Variants in MASP1 observed in about 807,000 individuals in gnomAD.
MASP1 encodes the protein MBL associated serine protease 1, also known as mannan-binding lectin serine protease 1.
In MASP1, 59 loss-of-function variants were observed where a neutral mutation model predicts 77.1. The ratio of observed to expected loss-of-function variants is 0.77; its 90% confidence interval spans 0.62 to 0.95. MASP1 has a LOEUF of 0.95. MASP1 is among the 40% of genes least tolerant of loss of function. MASP1 has a pLI of 0.00. For synonymous variants in MASP1, 362 were observed against 354.5 expected, an observed-to-expected ratio of 1.02 and a Z score of -0.24; for missense variants, 885 against 912.9, an observed-to-expected ratio of 0.97 and a Z score of 0.39.
At chr3:187,270,142 G>A (rs997882852) in intron 2 of MASP1, among the ~76,000 whole-genome samples, 2 of 152,208 alleles carry the variant, frequency 1.3e-5, no homozygotes, top group Non-Finnish European at 2.9e-5. Context: ...CTGACAACAA[G>A]TATACGATGC....
chr3:187,230,888 T>A (rs534489130), downstream of MASP1, among the ~76,000 whole-genome samples: 1 of 152,342 alleles, frequency 6.6e-6, no homozygotes, highest in Admixed American at 6.5e-5. Context: ...AACTTTTAAT[T>A]ATGTGGCTTC....
chr3:187,271,738 A>C (rs1224639137), intron 2 of MASP1, among the ~76,000 whole-genome samples: 1 of 152,164 alleles, frequency 6.6e-6, no homozygotes, highest in African/African-American at 2.4e-5. Context: ...AAATTGGTTA[A>C]TTCCAGTCAA....
rs772156759 is a variant in MASP1, at chr3:187,268,525, G to GAAAGAAAAGAAAAGA, written c.238-5820_238-5806dup. Among the ~76,000 whole-genome samples the GAAAGAAAAGAAAAGA allele has an allele frequency of 3.1e-3, 438 of 141,402 alleles. 1 individual carries two copies. The highest frequency in any genetic ancestry group is 9.8e-3 in the African/African-American group (375 of 38,298). 92.8% of individuals were successfully genotyped at this position (141,402 alleles called of 152,430 possible). ...AGAAAGAAAGAAAGAGAGGAAGAAAGAAAGAAAAGAAAAGAAAAGAAAATA... is the reference window on the plus strand; with the variant it reads ...AGAAAGAAAGAAAGAGAGGAAGAAAGAAAGAAAAGAAAAGAAAAGAAAAGAAAAGAAAAGAAAATA... On this transcript the variant is annotated intron_variant, in intron 2 of 10. Transcript: ENST00000296280.
Position 187,256,699 on chromosome 3 carries a change from G to A in MASP1, c.709C>T (p.His237Tyr). Reference sequence around the variant, plus strand: ...TCATAGGGGCAGGGCACCTCAGGATGGTCCTCAATGTCAAATATGTCCTCA... The same window carrying A: ...TCATAGGGGCAGGGCACCTCAGGATAGTCCTCAATGTCAAATATGTCCTCA... The part of the protein sequence containing the change: ...QFEDIFDIED[H>Y]PEVPCPYDYI... Residue 237 changes from histidine (H) to tyrosine (Y), a missense_variant, in exon 5 of 11, where the codon CAT (histidine) becomes TAT (tyrosine). Coordinates refer to ENST00000296280, the MANE Select transcript of MASP1 (RefSeq NM_139125.4). 6.2e-7 allele frequency: 1 copy of A among 1,613,922 alleles called. No homozygotes were observed. Among genetic ancestry groups the A allele is most frequent in the Non-Finnish European group, 8.5e-7 (1 of 1,179,986 alleles).
rs115022399 is a variant in MASP1 at position 187,235,961 on chromosome 3, C to A, written c.1910G>T (p.Arg637Leu). The change falls in exon 11 of 11, where the codon CGC becomes CTC. Residue 637 changes from arginine (R) to leucine (L), a missense_variant. Arg to Leu is a moderately radical substitution (Grantham distance 102, BLOSUM62 -2). Coordinates refer to ENST00000296280, the MANE Select transcript of MASP1 (RefSeq NM_139125.4). ...HAECKTSYESRSGNYSVTENM... is the reference protein window; with the variant it reads ...HAECKTSYESLSGNYSVTENM... ...CTCCGTGACGCTGTAATTGCCCGAG[C>A]GGGACTCATAGCTAGTTTTGCACTC... 2.1e-5 allele frequency: 34 copies of A among 1,614,226 alleles called. No individual in the cohort carries two copies. In the African/African-American group the frequency reaches 4.5e-4, roughly 22 times the overall value.
chr3:187,253,341 G>A (rs1460656879), intron 5 of MASP1, 26 bp from the exon 6 acceptor site: 6 of 1,601,004 alleles, frequency 3.7e-6, no homozygotes, highest in Non-Finnish European at 5.1e-6. Flanking sequence ...GAGAGAGAGA[G>A]AAATAGAGTG....
chr3:187,263,846 T>G (rs965931596), intron 2 of MASP1, among the ~76,000 whole-genome samples: 2 of 152,218 alleles, frequency 1.3e-5, no homozygotes, highest in African/African-American at 2.4e-5. Flanking sequence ...TTTGGGAAGC[T>G]TCGTATGATA....
chr3:187,234,751 C>G lies in MASP1; in HGVS notation c.*933G>C, dbSNP rs890923138. 7.8e-7 allele frequency: 1 copy of G among 1,287,260 alleles called. No homozygotes were observed. Among genetic ancestry groups the G allele is most frequent in the Non-Finnish European group, 1.0e-6 (1 of 988,704 alleles). The allele number at this position is 1,287,260 out of a possible 1,614,324, so 79.7% of individuals were successfully genotyped here. A position where few individuals can be genotyped will look rare whatever the true frequency, so the allele number is the denominator to read the frequency against. On this transcript the variant is annotated 3_prime_UTR_variant, in exon 11 of 11. Coordinates refer to ENST00000296280, the MANE Select transcript of MASP1 (RefSeq NM_139125.4). ...TCCTGCCCAAAAGCACAGCAGGACA[C>G]AGTGTGGGTCTTTTCTTTTTCCAGG...
chr3:187,280,342 C>A (rs943602029), intron 2 of MASP1, among the ~76,000 whole-genome samples: 5 of 152,176 alleles, frequency 3.3e-5, no homozygotes, highest in African/African-American at 7.2e-5. Context: ...AAATATTACA[C>A]ATGGTGACAT....
At chr3:187,239,017 C>T (rs781624396) in intron 10 of MASP1, among the ~76,000 whole-genome samples, 2 of 152,062 alleles carry the variant, frequency 1.3e-5, no homozygotes, top group Non-Finnish European at 2.9e-5. Context: ...ATCCAAGATG[C>T]TTTGTACAAA....
chr3:187,278,606 C>T (rs1164896195), intron 2 of MASP1, among the ~76,000 whole-genome samples: 1 of 152,168 alleles, frequency 6.6e-6, no homozygotes, highest in African/African-American at 2.4e-5. Flanking sequence ...CACTCTATAT[C>T]TTTCTAAATC....
intron 2 of MASP1, among the ~76,000 whole-genome samples, chr3:187,268,835 G>A (rs745340286): frequency 1.3e-5 from 2 of 152,188 alleles, no homozygotes. Context: ...GGGAGGCCAA[G>A]GTGGGTGGAT....
intron 9 of MASP1, chr3:187,243,252 C>CA: frequency 1.1e-5 from 6 of 555,596 alleles, no homozygotes; most frequent in Non-Finnish European, 1.9e-5. Flanking sequence ...AAGTTAAAAA[C>CA]AAAAAAGCCT....
At chr3:187,236,741 G>A (rs1428743484) in intron 10 of MASP1, among the ~76,000 whole-genome samples, 174 bp from the exon 11 acceptor site, 3 of 152,148 alleles carry the variant, frequency 2.0e-5, no homozygotes, top group Admixed American at 2.0e-4. Flanking sequence ...GTCATTTTGG[G>A]TCTAAGTCTC....
At chr3:187,228,743 A>G (rs931950985) in intron 11 of MASP1, among the ~76,000 whole-genome samples, 1 of 152,014 alleles carries the variant, frequency 6.6e-6, no homozygotes, top group African/African-American at 2.4e-5. Context: ...GTCTGGCCCT[A>G]TAATACCTTC....
intron 2 of MASP1, among the ~76,000 whole-genome samples, chr3:187,271,242 T>A (rs1407832204): frequency 6.6e-6 from 1 of 152,210 alleles, no homozygotes; most frequent in African/African-American, 2.4e-5. Flanking sequence ...TCTTCCAAGA[T>A]AGATCAGGCT....
At chr3:187,228,684 CCCTTGGT>C (rs1712583119) in intron 11 of MASP1, among the ~76,000 whole-genome samples, 1 of 152,176 alleles carries the variant, frequency 6.6e-6, no homozygotes, top group Non-Finnish European at 1.5e-5. Flanking sequence ...TCCCTTCTCT[CCCTTGGT>C]CCTCTCCCCG....
chr3:187,232,574 T>C (rs188009269), downstream of MASP1, among the ~76,000 whole-genome samples: 116 of 152,296 alleles, frequency 7.6e-4, no homozygotes, highest in Admixed American at 6.2e-3. Flanking sequence ...AATCACATCC[T>C]TGTTGCCTCC....
intron 11 of MASP1, among the ~76,000 whole-genome samples, chr3:187,227,324 C>A (rs1169761052): frequency 6.6e-6 from 1 of 152,120 alleles, no homozygotes; most frequent in Non-Finnish European, 1.5e-5. Flanking sequence ...GGGCCAGACC[C>A]CAGGGCTCCT....
Sources: allele counts gnomAD v4.1 joint callset (sites outside exome capture counted in the v4.1 genomes callset), GRCh38; gene constraint gnomAD v4.1.1; transcripts MANE v1.5; gene names NCBI Gene and HGNC (gene_info 2026-07-23, HGNC 2026-07-21).